FTO: variants seen among roughly 807,000 people sequenced by gnomAD.
FTO encodes alpha-ketoglutarate-dependent dioxygenase FTO.
Under a neutral mutation model 63.9 loss-of-function variants are expected in FTO, and 47 were observed. That is an observed-to-expected ratio of 0.74 (90% CI 0.58 to 0.94). The LOEUF (loss-of-function observed/expected upper bound fraction) is 0.94, where lower values mean the gene tolerates loss of function less well. Ranked by LOEUF, FTO falls within the 40% of genes least tolerant of loss-of-function variation. The pLI is 0.00. For synonymous variants in FTO, 207 were observed against 224.4 expected (o/e 0.92, Z 0.69); for missense variants, 562 against 618.1 (o/e 0.91, Z 0.96).
At chr16:53,966,333 C>T (rs1423170075) in intron 8 of FTO, among the ~76,000 whole-genome samples, 1 of 152,206 alleles carries the variant, frequency 6.6e-6, no homozygotes, top group Non-Finnish European at 1.5e-5. Context: ...TTGGAACATT[C>T]TATGTGGAAT....
rs397716766 is a variant in FTO at position 53,783,604 on chromosome 16, T to TATCA, written c.46-26535_46-26534insTCAA. Among the ~76,000 whole-genome samples, 380 of 68,076 alleles carry TATCA rather than the reference T, an allele frequency of 5.6e-3. 7 individuals carry two copies. Among genetic ancestry groups the TATCA allele is most frequent in the African/African-American group, 7.1e-3 (119 of 16,850 alleles). The allele number at this position is 68,076 out of a possible 152,430, so 44.7% of individuals were successfully genotyped here. ...GCCTGGGTGACAGAGCAAGACTCCA[T>TATCA]AAAAAAAAAAAAAAAAAAAAAAAGT... On this transcript the variant is annotated intron_variant, in intron 1 of 8. Coordinates refer to ENST00000471389, the MANE Select transcript of FTO (RefSeq NM_001080432.3).
At chr16:53,943,239 C>A (rs941840164) in intron 8 of FTO, among the ~76,000 whole-genome samples, 7 of 152,052 alleles carry the variant, frequency 4.6e-5, no homozygotes, top group Non-Finnish European at 8.8e-5. Flanking sequence ...TTTTTTCCCC[C>A]AAGATACAGC....
chr16:54,062,444 G>A (rs2085602792), intron 8 of FTO, among the ~76,000 whole-genome samples: 3 of 152,196 alleles, frequency 2.0e-5, no homozygotes, highest in Non-Finnish European at 4.4e-5. Context: ...CTTCCTCAGT[G>A]ATGGGTATCT....
intron 1 of FTO, among the ~76,000 whole-genome samples, chr16:53,762,910 A>G (rs924760671): frequency 6.6e-6 from 1 of 152,226 alleles, no homozygotes; most frequent in African/African-American, 2.4e-5. Context: ...ATGATTTACC[A>G]TGCCTCAAAA....
chr16:53,766,677 G>A (rs1313004858), intron 1 of FTO, among the ~76,000 whole-genome samples: 1 of 152,210 alleles, frequency 6.6e-6, no homozygotes, highest in Admixed American at 6.5e-5. Context: ...GAGGGAATCC[G>A]AAGGTCAGGG....
At chr16:53,775,004 A>T (rs1291102260) in intron 1 of FTO, among the ~76,000 whole-genome samples, 2 of 152,128 alleles carry the variant, frequency 1.3e-5, no homozygotes, top group Non-Finnish European at 2.9e-5. Context: ...TTGACTTCTG[A>T]TTCTCACATG....
intron 8 of FTO, among the ~76,000 whole-genome samples, chr16:54,082,429 G>A (rs189028441): frequency 6.6e-6 from 1 of 152,144 alleles, no homozygotes; most frequent in Non-Finnish European, 1.5e-5. Flanking sequence ...TGGGGCTTGG[G>A]GTGTCCAGTC....
intron 8 of FTO, among the ~76,000 whole-genome samples, chr16:54,011,468 A>C (rs1031549136): frequency 6.6e-6 from 1 of 152,218 alleles, no homozygotes; most frequent in Admixed American, 6.5e-5. Context: ...TCAGAATACC[A>C]GGTCATATCC....
chr16:53,972,351 A>G (rs188397871), intron 8 of FTO, among the ~76,000 whole-genome samples: 57 of 152,266 alleles, frequency 3.7e-4, no homozygotes, highest in African/African-American at 1.3e-3. Context: ...CTTGTCCAAT[A>G]TCATCCTTCA....
chr16:54,073,445 C>G (rs2085916671), intron 8 of FTO, among the ~76,000 whole-genome samples: 1 of 152,114 alleles, frequency 6.6e-6, no homozygotes, highest in Admixed American at 6.6e-5. Context: ...CAGGATCAGG[C>G]TTGGCGTGGG....
intron 4 of FTO, among the ~76,000 whole-genome samples, chr16:53,862,534 CT>C (rs2080204323): frequency 7.4e-6 from 1 of 134,264 alleles, no homozygotes; most frequent in African/African-American, 3.2e-5. Context: ...CTTTCTGTAT[CT>C]TACTTTTTTT....
rs1459030116 is a variant in FTO at position 54,121,142 on chromosome 16, C to T, written c.*9227C>T. 1 of 152,148 alleles carries T rather than the reference C, an allele frequency of 6.6e-6. No individual in the cohort carries two copies. Among genetic ancestry groups the T allele is most frequent in the Non-Finnish European group, 1.5e-5 (1 of 68,042 alleles). 9.4% of individuals were successfully genotyped at this position (152,148 alleles called of 1,614,324 possible). A position where few individuals can be genotyped will look rare whatever the true frequency, so the allele number is the denominator to read the frequency against. On this transcript the variant is annotated 3_prime_UTR_variant, in exon 9 of 9. Transcript: ENST00000471389. Reference sequence around the variant, plus strand: ...CTACAGTGGCAGAGCTGAATAGTTGCAAAGGACCATAGGGCTATCAAAGCC... The same window carrying T: ...CTACAGTGGCAGAGCTGAATAGTTGTAAAGGACCATAGGGCTATCAAAGCC...
At chr16:54,022,167 C>G (rs2084617292) in intron 8 of FTO, among the ~76,000 whole-genome samples, 2 of 152,100 alleles carry the variant, frequency 1.3e-5, no homozygotes, top group Non-Finnish European at 1.5e-5. Context: ...GATCACCTGC[C>G]CTAAGTCTAC....
intron 1 of FTO, among the ~76,000 whole-genome samples, chr16:53,720,659 T>TTATA (rs1291774330): frequency 2.1e-5 from 3 of 145,650 alleles, no homozygotes; most frequent in Non-Finnish European, 4.5e-5. Context: ...TATATATCTT[T>TTATA]TATATATATA....
At chr16:53,882,827 C>T (rs1251989241) in intron 6 of FTO, among the ~76,000 whole-genome samples, 1 of 152,192 alleles carries the variant, frequency 6.6e-6, no homozygotes, top group Non-Finnish European at 1.5e-5. Flanking sequence ...TATTTAATAT[C>T]TTGTGAGCTG....
At chr16:53,818,207 C>A (rs1448379072) in intron 2 of FTO, among the ~76,000 whole-genome samples, 1 of 149,512 alleles carries the variant, frequency 6.7e-6, no homozygotes, top group Non-Finnish European at 1.5e-5. Context: ...TGAACAAATG[C>A]TTCATAGTAC....
At chr16:53,758,707 A>G (rs916791353) in intron 1 of FTO, among the ~76,000 whole-genome samples, 12 of 152,212 alleles carry the variant, frequency 7.9e-5, no homozygotes, top group Non-Finnish European at 1.5e-4. Context: ...GAGCACAGAA[A>G]CAGAAGAAAA....
At chr16:53,888,670 G>A (rs917344187) in intron 6 of FTO, among the ~76,000 whole-genome samples, 162 bp from the exon 7 acceptor site, 4 of 152,170 alleles carry the variant, frequency 2.6e-5, no homozygotes, top group African/African-American at 9.7e-5. Flanking sequence ...ATATGCTCTG[G>A]AGATGCCAGC....
At chr16:54,034,706 T>C (rs1306352280) in intron 8 of FTO, among the ~76,000 whole-genome samples, 1 of 152,182 alleles carries the variant, frequency 6.6e-6, no homozygotes, top group East Asian at 1.9e-4. Flanking sequence ...ATCTTTAAAG[T>C]TCTGGAACTA....
Sources: allele counts gnomAD v4.1 joint callset (sites outside exome capture counted in the v4.1 genomes callset), GRCh38; gene constraint gnomAD v4.1.1; transcripts MANE v1.5; gene names NCBI Gene and HGNC (gene_info 2026-07-23, HGNC 2026-07-21).